The following TENM4 variants were observed in gnomAD, a reference collection of about 807,000 sequenced individuals.
TENM4 encodes the protein teneurin-4.
Under a neutral mutation model 243.3 loss-of-function variants are expected in TENM4, and 82 were observed. That is an observed-to-expected ratio of 0.34 (90% confidence interval 0.28 to 0.40). The LOEUF is 0.40. Ranked by LOEUF, TENM4 falls within the 10% of genes least tolerant of loss-of-function variation. The probability of loss-of-function intolerance (pLI) is 1.00; values close to 1 mark genes in which losing one functional copy is unlikely to be tolerated. For missense variants in TENM4, 3,138 were observed against 3,673.3 expected (o/e 0.85, Z 3.77); for synonymous variants, 1,412 against 1,456.3 (o/e 0.97, Z 0.69).
intron 2 of TENM4, among the ~76,000 whole-genome samples, chr11:79,218,414 G>A (rs903354163): frequency 2.0e-5 from 3 of 152,152 alleles, no homozygotes; most frequent in Non-Finnish European, 4.4e-5. Flanking sequence ...CAAGGGTCCT[G>A]CTGGGGTCCT....
At chr11:78,863,177 G>A in intron 9 of TENM4, 45 bp from the exon 10 acceptor site, 1 of 1,442,354 alleles carries the variant, frequency 6.9e-7, no homozygotes. Flanking sequence ...GCTGGAGGCA[G>A]AAACGGGACT....
At chr11:78,989,923 G>A (rs915136324) in intron 6 of TENM4, among the ~76,000 whole-genome samples, 2 of 152,042 alleles carry the variant, frequency 1.3e-5, no homozygotes, top group Non-Finnish European at 2.9e-5. Flanking sequence ...AATTAGCCGA[G>A]TGTGGTGGCA....
At chr11:78,811,711 G>T (rs1335213875) in intron 14 of TENM4, among the ~76,000 whole-genome samples, 1 of 152,110 alleles carries the variant, frequency 6.6e-6, no homozygotes, top group Non-Finnish European at 1.5e-5. Flanking sequence ...AAAGAACTTG[G>T]GCTATGGAGC....
intron 1 of TENM4, among the ~76,000 whole-genome samples, chr11:79,376,980 G>A (rs1273077513): frequency 6.6e-6 from 1 of 152,222 alleles, no homozygotes; most frequent in East Asian, 1.9e-4. Context: ...ATAAAGTTGA[G>A]AATCTTAAAA....
At chr11:78,988,451 A>G (rs561597229) in intron 6 of TENM4, among the ~76,000 whole-genome samples, 1 of 152,310 alleles carries the variant, frequency 6.6e-6, no homozygotes, top group African/African-American at 2.4e-5. Flanking sequence ...ATTTTGGGGC[A>G]ATTTGTTATG....
chr11:78,869,761 C>T (rs982424013), intron 9 of TENM4, among the ~76,000 whole-genome samples: 6 of 152,180 alleles, frequency 3.9e-5, no homozygotes, highest in African/African-American at 1.4e-4. Flanking sequence ...AGGTTCCCCT[C>T]CTGGCACATC....
At chr11:79,318,292 G>A (rs1856834475) in intron 1 of TENM4, among the ~76,000 whole-genome samples, 3 of 151,898 alleles carry the variant, frequency 2.0e-5, no homozygotes, top group African/African-American at 4.9e-5. Flanking sequence ...CAGTGAGAAA[G>A]CAAACTCACT....
intron 2 of TENM4, among the ~76,000 whole-genome samples, chr11:79,269,126 A>G (rs1855927356): frequency 6.6e-6 from 1 of 152,214 alleles, no homozygotes; most frequent in African/African-American, 2.4e-5. Context: ...CAGGATTCCC[A>G]CCTACTTTAT....
chr11:78,798,749 C>T (rs1294721217), intron 15 of TENM4, among the ~76,000 whole-genome samples: 1 of 152,004 alleles, frequency 6.6e-6, no homozygotes, highest in East Asian at 1.9e-4. Flanking sequence ...CTGCACTGCC[C>T]TCTCCTCCTT....
chr11:78,751,635 A>T (rs1281452737), intron 19 of TENM4, among the ~76,000 whole-genome samples: 1 of 152,198 alleles, frequency 6.6e-6, no homozygotes, highest in South Asian at 2.1e-4. Context: ...CCTGTCCAGC[A>T]TCGGCAACCT....
At chr11:79,385,826 T>G (rs1326181282) in intron 1 of TENM4, among the ~76,000 whole-genome samples, 2 of 152,172 alleles carry the variant, frequency 1.3e-5, no homozygotes, top group Admixed American at 6.6e-5. Context: ...TCTCTTAGTC[T>G]GTGGACACAG....
chr11:78,971,129 T>A (rs960240886), intron 6 of TENM4, among the ~76,000 whole-genome samples: 1 of 152,228 alleles, frequency 6.6e-6, no homozygotes, highest in Non-Finnish European at 1.5e-5. Flanking sequence ...GTTGAGGTGA[T>A]CCTCCCGACT....
chr11:79,383,607 T>G (rs918794967), intron 1 of TENM4, among the ~76,000 whole-genome samples: 2 of 152,182 alleles, frequency 1.3e-5, no homozygotes, highest in Non-Finnish European at 1.5e-5. Flanking sequence ...GTGCCAGGTG[T>G]GGGTGCTGGA....
intron 1 of TENM4, among the ~76,000 whole-genome samples, chr11:79,397,118 C>T (rs575317734): frequency 6.6e-6 from 1 of 152,244 alleles, no homozygotes; most frequent in East Asian, 1.9e-4. Flanking sequence ...GGGCAGAACA[C>T]TCAAAGGGAT....
chr11:79,160,038 C>T (rs1331900722), intron 3 of TENM4, among the ~76,000 whole-genome samples: 2 of 152,018 alleles, frequency 1.3e-5, no homozygotes, highest in Admixed American at 1.3e-4. Context: ...CATTCATTTA[C>T]CATTTTCATT....
intron 17 of TENM4, among the ~76,000 whole-genome samples, chr11:78,777,186 G>A (rs904118218): frequency 6.6e-6 from 1 of 152,182 alleles, no homozygotes; most frequent in African/African-American, 2.4e-5. Context: ...ATGATAATGT[G>A]TGAAATGCCT....
chr11:78,722,946 G>A lies in TENM4; in HGVS notation c.3551-29C>T, dbSNP rs1340162295. The stretch of plus-strand genomic sequence containing the variant: ...GGACAAGGAAAGAACAGAATTGCCT[G>A]TGGAGCAGGAAATGGGTATCTTTTC... On this transcript the variant is annotated intron_variant, in intron 23 of 33. Coordinates refer to ENST00000278550, the MANE Select transcript of TENM4 (RefSeq NM_001098816.3). The A allele has an allele frequency of 3.1e-6, 5 of 1,604,058 alleles. No individual in the cohort carries two copies. The East Asian group carries it at 9.0e-5, about 29-fold the overall frequency.
At chr11:78,709,492 G>C (rs1014290339) in intron 26 of TENM4, among the ~76,000 whole-genome samples, 1 of 152,038 alleles carries the variant, frequency 6.6e-6, no homozygotes, top group Non-Finnish European at 1.5e-5. Context: ...GTGTGACCTC[G>C]GGCAAGTCAC....
intron 4 of TENM4, among the ~76,000 whole-genome samples, chr11:79,135,215 A>G (rs961196903): frequency 1.3e-5 from 2 of 152,202 alleles, no homozygotes; most frequent in Non-Finnish European, 2.9e-5. Context: ...AAAAGAAGAT[A>G]TATGAAGGGC....
Sources: gnomAD v4.1 joint callset for allele counts (sites outside exome capture counted in the v4.1 genomes callset) on GRCh38, gnomAD v4.1.1 for gene constraint, MANE v1.5 for transcripts, NCBI Gene and HGNC (gene_info 2026-07-23, HGNC 2026-07-21) for gene names.